TIAM1: variants seen among roughly 807,000 people sequenced by gnomAD.
TIAM1 encodes the protein rho guanine nucleotide exchange factor TIAM1.
TIAM1 carries 65 observed loss-of-function variants against 163.5 expected under a neutral mutation model. The observed-to-expected ratio is 0.40, with a 90% confidence interval of 0.33 to 0.49. TIAM1 has a LOEUF of 0.49. TIAM1 is among the 20% of genes least tolerant of loss of function. TIAM1 has a pLI of 0.77. For missense variants in TIAM1, 1,789 were observed against 2,044.7 expected, an observed-to-expected ratio of 0.87 and a Z score of 2.41; for synonymous variants, 833 against 810.1, an observed-to-expected ratio of 1.03 and a Z score of -0.48.
intron 1 of TIAM1, among the ~76,000 whole-genome samples, chr21:31,518,933 G>A (rs1602474496): frequency 1.3e-5 from 2 of 152,302 alleles, no homozygotes; most frequent in African/African-American, 4.8e-5. Context: ...AATGGCTCAC[G>A]CCTGTAATCC....
At chr21:31,483,919 T>C (rs954601547) in intron 1 of TIAM1, among the ~76,000 whole-genome samples, 6 of 152,164 alleles carry the variant, frequency 3.9e-5, no homozygotes, top group African/African-American at 1.2e-4. Context: ...TCCAATGCCA[T>C]AGGCTGAAAG....
At chr21:31,509,887 C>G (rs2047156376) in intron 1 of TIAM1, among the ~76,000 whole-genome samples, 1 of 152,158 alleles carries the variant, frequency 6.6e-6, no homozygotes, top group Non-Finnish European at 1.5e-5. Context: ...CTGGGCCCCT[C>G]CCCACCACGA....
chr21:31,340,867 A>AG (rs1190567923), intron 1 of TIAM1, among the ~76,000 whole-genome samples: 3 of 150,062 alleles, frequency 2.0e-5, no homozygotes, highest in Non-Finnish European at 2.9e-5. Flanking sequence ...ACAAACTGAG[A>AG]GGAAAAAAAA....
intron 2 of TIAM1, among the ~76,000 whole-genome samples, chr21:31,406,172 T>A (rs1420156372): frequency 1.6e-5 from 2 of 126,394 alleles, no homozygotes; most frequent in African/African-American, 3.0e-5. Flanking sequence ...ATGGCTTAAA[T>A]GTTATCTTAA....
At chr21:31,530,790 T>C (rs1191576899) in intron 1 of TIAM1, among the ~76,000 whole-genome samples, 1 of 152,192 alleles carries the variant, frequency 6.6e-6, no homozygotes, top group Non-Finnish European at 1.5e-5. Flanking sequence ...GCAATGTTTC[T>C]GGAAGACACT....
At chr21:31,500,789 G>A (rs935282108) in intron 1 of TIAM1, among the ~76,000 whole-genome samples, 3 of 152,142 alleles carry the variant, frequency 2.0e-5, no homozygotes, top group East Asian at 1.9e-4. Flanking sequence ...CCACGGAGCC[G>A]TCAGAATGAA....
chr21:31,240,726 A>G (rs7277579), intron 6 of TIAM1, among the ~76,000 whole-genome samples: 14,631 of 152,268 alleles, frequency 0.096, 2,217 homozygotes, highest in African/African-American at 0.32. Context: ...GTTTAGCACT[A>G]CAGTCGCCTG....
In TIAM1 at chr21:31,285,713, T is replaced by C. The variant is rs547809960; in HGVS notation, c.-188-8805A>G. On this transcript the variant is annotated intron_variant, in intron 2 of 27. Coordinates refer to ENST00000541036, the MANE Select transcript of TIAM1 (RefSeq NM_001353694.2). ...CTGTCTCTACTAAAAATACAAAAAT[T>C]AGCTGAGTGTGGTGGCCCACACCTG... is the stretch of plus-strand genomic sequence containing the variant. Among the ~76,000 whole-genome samples the C allele has an allele frequency of 3.3e-5, 5 of 152,078 alleles. No individual in the cohort carries two copies. The East Asian group carries it at 9.7e-4, about 29-fold the overall frequency.
At chr21:31,346,927 AT>A (rs1320411625), upstream of TIAM1, among the ~76,000 whole-genome samples, 1 of 151,814 alleles carries the variant, frequency 6.6e-6, no homozygotes, top group African/African-American at 2.4e-5. Flanking sequence ...TCTTTCTGAT[AT>A]TATTATTTAA....
intron 10 of TIAM1, among the ~76,000 whole-genome samples, chr21:31,210,568 A>AAAAGAAGGAAGGAAGGG (rs1569030900): frequency 4.2e-5 from 5 of 119,994 alleles, no homozygotes; most frequent in African/African-American, 2.1e-4. Context: ...GAAAGAAAGA[A>AAAAGAAGGAAGGAAGGG]AGAAAGAAAG....
At chr21:31,182,856 C>G (rs2146442678) in intron 14 of TIAM1, among the ~76,000 whole-genome samples, 1 of 152,320 alleles carries the variant, frequency 6.6e-6, no homozygotes, top group Middle Eastern at 3.4e-3. Flanking sequence ...ACATGCCTAG[C>G]TGGTCCTTCA....
At position 31,164,870 on chromosome 21, in the gene TIAM1, C is replaced by A. The variant is rs536433174; in HGVS notation, c.2991+92G>T. On this transcript the variant is annotated intron_variant, in intron 16 of 27. Transcript: ENST00000541036. ...CAAAAACACTTCGTCCATGGAGAGG[C>A]CTGGTAACCACATACAGCTGTGTAG... The A allele has an allele frequency of 2.3e-5, 30 of 1,295,254 alleles. No individual in the cohort carries two copies. In the East Asian group the frequency reaches 6.7e-4, roughly 29 times the overall value. The allele number at this position is 1,295,254 out of a possible 1,614,324, so 80.2% of individuals were successfully genotyped here.
intron 2 of TIAM1, among the ~76,000 whole-genome samples, chr21:31,335,705 C>CAAAAAAA (rs142300088): frequency 0.013 from 1,797 of 143,760 alleles, 36 homozygotes; most frequent in African/African-American, 0.045. Context: ...ACTCTGTCTC[C>CAAAAAAA]AAAAAAAAAG....
intron 16 of TIAM1, chr21:31,161,035 T>TTTTGTG (rs1491194422): frequency 1.4e-5 from 2 of 143,370 alleles, no homozygotes; most frequent in Non-Finnish European, 3.1e-5. Flanking sequence ...CTAAGAAAAG[T>TTTTGTG]TGTGTGTGTG....
At chr21:31,403,170 C>A (rs2077193340) in intron 2 of TIAM1, among the ~76,000 whole-genome samples, 1 of 152,076 alleles carries the variant, frequency 6.6e-6, no homozygotes, top group South Asian at 2.1e-4. Context: ...TTTTTTAAGA[C>A]AGAGTCTTGC....
chr21:31,373,422 A>G (rs1455122511), intron 2 of TIAM1, among the ~76,000 whole-genome samples: 1 of 152,124 alleles, frequency 6.6e-6, no homozygotes, highest in African/African-American at 2.4e-5. Flanking sequence ...GAATCATGGC[A>G]GGAAGCGAAA....
intron 1 of TIAM1, among the ~76,000 whole-genome samples, chr21:31,556,461 G>A (rs1601094918): frequency 6.6e-6 from 1 of 152,226 alleles, no homozygotes; most frequent in East Asian, 1.9e-4. Flanking sequence ...AAGGCCCCTG[G>A]GGCCTACATT....
In TIAM1 at chr21:31,395,513, C is replaced by A. The variant is rs763582482; in HGVS notation, c.-368-56091G>T. Among the ~76,000 whole-genome samples the A allele has an allele frequency of 6.6e-6, 1 of 152,176 alleles. No individual in the cohort carries two copies. The highest frequency in any genetic ancestry group is 2.4e-5 in the African/African-American group (1 of 41,434). On this transcript the variant is annotated intron_variant, in intron 2 of 28. Transcript: ENST00000286827. The surrounding 1 kb of genome is among the most constrained non-coding windows in gnomAD (Gnocchi z 7.5). ...TCTAAACACAGCCAATCACCAGATACGCCACAGAGGCGAAGAGAAGGGCCA... is the reference window on the plus strand; with the variant it reads ...TCTAAACACAGCCAATCACCAGATAAGCCACAGAGGCGAAGAGAAGGGCCA...
intron 12 of TIAM1, among the ~76,000 whole-genome samples, chr21:31,198,280 TGTG>T (rs2085990595): frequency 6.6e-6 from 1 of 152,136 alleles, no homozygotes; most frequent in Non-Finnish European, 1.5e-5. Flanking sequence ...GCATAATACT[TGTG>T]ACTCAGGAGC....
Sources: allele counts gnomAD v4.1 joint callset (sites outside exome capture counted in the v4.1 genomes callset), GRCh38; gene constraint gnomAD v4.1.1; non-coding constraint Gnocchi (gnomAD v3.1); transcripts MANE v1.5; gene names NCBI Gene and HGNC (gene_info 2026-07-23, HGNC 2026-07-21).